Variants in EIF4G3 observed in about 807,000 individuals in gnomAD.
EIF4G3 encodes the protein eukaryotic translation initiation factor 4 gamma 3.
Under a neutral mutation model 186.4 loss-of-function variants are expected in EIF4G3, and 34 were observed. The observed-to-expected ratio is 0.18, with a 90% CI of 0.14 to 0.24. The LOEUF (loss-of-function observed/expected upper bound fraction) is 0.24. Among genes scored for constraint, EIF4G3 ranks in the 10% least tolerant of loss-of-function variants. The pLI is 1.00. For synonymous variants in EIF4G3, 673 were observed against 679.5 expected, an observed-to-expected ratio of 0.99 and a Z score of 0.15; for missense variants, 1,536 against 1,948.5, an observed-to-expected ratio of 0.79 and a Z score of 3.99.
At position 20,820,997 on chromosome 1, in the gene EIF4G3, A is replaced by G. The variant is rs1043599599; in HGVS notation, c.4369-3459T>C. ...CTCTGAGCTGTTCTAACACTAAATA[A>G]AACTCTTCTTCACCCTTCATTTGTT... On this transcript the variant is annotated intron_variant, in intron 33 of 36. Transcript: ENST00000602326. Among the ~76,000 whole-genome samples the G allele has an allele frequency of 2.6e-5, 4 of 151,998 alleles. No homozygotes were observed. The East Asian group carries it at 7.7e-4, about 29-fold the overall frequency.
chr1:20,986,768 A>G (rs1042919536), intron 7 of EIF4G3, among the ~76,000 whole-genome samples: 37 of 139,898 alleles, frequency 2.6e-4, no homozygotes, highest in Non-Finnish European at 4.8e-4. Context: ...AAAAAAAAAA[A>G]AAAGAAAACT....
At chr1:21,131,392 C>A (rs2097151582) in intron 2 of EIF4G3, among the ~76,000 whole-genome samples, 2 of 126,522 alleles carry the variant, frequency 1.6e-5, no homozygotes, top group Non-Finnish European at 1.7e-5. Context: ...ACTGGATTCA[C>A]AGAAGAAAAA....
intron 4 of EIF4G3, among the ~76,000 whole-genome samples, chr1:21,036,765 T>C (rs2093238231): frequency 6.6e-6 from 1 of 151,986 alleles, no homozygotes; most frequent in Admixed American, 6.6e-5. Flanking sequence ...CCTATAGTCT[T>C]AGCTACTTGA....
At chr1:20,981,350 A>G in intron 8 of EIF4G3, 123 bp from the exon 9 acceptor site, 1 of 695,740 alleles carries the variant, frequency 1.4e-6, no homozygotes, top group Non-Finnish European at 2.3e-6. Context: ...TACAATATGC[A>G]TAAAAAGAAT....
chr1:20,940,391 G>T (rs1276286077), intron 14 of EIF4G3, among the ~76,000 whole-genome samples: 3 of 152,152 alleles, frequency 2.0e-5, no homozygotes, highest in African/African-American at 7.2e-5. Flanking sequence ...ATGTTCTGCA[G>T]TTCCAAAAGG....
Position 21,023,155 on chromosome 1 carries a change from C to T in EIF4G3, c.-66-20347G>A, listed in dbSNP as rs142094468. Among the ~76,000 whole-genome samples the T allele has an allele frequency of 9.7e-3, 1,479 of 152,068 alleles. 21 individuals are homozygous for T. The highest frequency in any genetic ancestry group is 0.016 in the Non-Finnish European group (1,082 of 67,968). On this transcript the variant is annotated intron_variant, in intron 4 of 36. Transcript: ENST00000602326. ...AATCAAGTTGAAAAAGACACGATTCCTATGCACAGGGATTTACAATTTACC... is the reference window on the plus strand; with the variant it reads ...AATCAAGTTGAAAAAGACACGATTCTTATGCACAGGGATTTACAATTTACC...
At chr1:21,015,014 TG>T (rs2088490839) in intron 4 of EIF4G3, among the ~76,000 whole-genome samples, 1 of 143,094 alleles carries the variant, frequency 7.0e-6, no homozygotes, top group South Asian at 2.2e-4. Flanking sequence ...GAGACCTAAA[TG>T]AAATCAGAAA....
rs1259424206 is a variant in EIF4G3 at position 20,807,206 on chromosome 1, C to T, written c.*113G>A. The T allele has an allele frequency of 5.4e-6, 5 of 934,156 alleles. No individual in the cohort carries two copies. The highest frequency in any genetic ancestry group is 3.7e-4 in the Middle Eastern group (1 of 2,728). 57.9% of individuals were successfully genotyped at this position (934,156 alleles called of 1,614,324 possible). On this transcript the variant is annotated 3_prime_UTR_variant, in exon 37 of 37. Coordinates refer to ENST00000602326, the MANE Select transcript of EIF4G3 (RefSeq NM_001391906.1). ...CTTTCCCCTCTCCCACTCGTGCACA[C>T]GTGGGGGTTTCTGCGAGAATTGGCC... is the stretch of plus-strand genomic sequence containing the variant.
rs114944067 is a variant in EIF4G3, at chr1:21,092,632, G to A, written c.-271-3419C>T. On this transcript the variant is annotated intron_variant, in intron 2 of 36. Transcript: ENST00000602326. ...TTCATCTGGAACCAAAAAAGGGCCC[G>A]CACTGCCAATACAATCCTAAGCCAG... 4.0e-3 allele frequency among the ~76,000 whole-genome samples: 608 copies of A among 152,132 alleles called. 4 individuals are homozygous for A. The highest frequency in any genetic ancestry group is 0.013 in the African/African-American group (555 of 41,508).
intron 4 of EIF4G3, among the ~76,000 whole-genome samples, 151 bp from the exon 5 acceptor site, chr1:21,002,959 T>C (rs574223024): frequency 5.9e-5 from 9 of 151,646 alleles, no homozygotes; most frequent in Non-Finnish European, 1.3e-4. Context: ...CAATATCCAG[T>C]AACTCAAAAT....
chr1:20,831,278 A>AATTT lies in EIF4G3; in HGVS notation c.4062-2007_4062-2006insAAAT, dbSNP rs1553194519. On this transcript the variant is annotated intron_variant, in intron 30 of 36. Transcript: ENST00000602326. Reference sequence around the variant, plus strand: ...ATACATGATTAAAAGAAAAATATTAATTTTTTTTTTTTTTTTTTTGAGAAA... The same window carrying AATTT: ...ATACATGATTAAAAGAAAAATATTAAATTTTTTTTTTTTTTTTTTTTTTGAGAAA... Among the ~76,000 whole-genome samples, 25 of 143,004 alleles carry AATTT rather than the reference A, an allele frequency of 1.7e-4. 1 individual carries two copies. The highest frequency in any genetic ancestry group is 1.2e-3 in the East Asian group (6 of 4,856). 93.8% of individuals were successfully genotyped at this position (143,004 alleles called of 152,430 possible).
chr1:20,941,389 G>A (rs775149020), intron 14 of EIF4G3, 102 bp downstream of exon 14: 1 of 1,610,960 alleles, frequency 6.2e-7, no homozygotes, highest in Non-Finnish European at 8.5e-7. Context: ...GCATTCATTC[G>A]ATGTTTCTGG....
At chr1:20,814,010 G>A (rs1413865224) in intron 34 of EIF4G3, among the ~76,000 whole-genome samples, 3 of 130,274 alleles carry the variant, frequency 2.3e-5, no homozygotes, top group South Asian at 2.6e-4. Context: ...GCAGTGGTGC[G>A]ATCTCAGCTC....
chr1:20,848,050 C>G (rs907365664), intron 29 of EIF4G3: 18 of 330,040 alleles, frequency 5.5e-5, no homozygotes, highest in Non-Finnish European at 9.4e-5. Context: ...ACTGCAACCT[C>G]TGCCTCCCGG....
intron 4 of EIF4G3, among the ~76,000 whole-genome samples, chr1:21,033,907 A>C (rs2092961252): frequency 6.6e-6 from 1 of 152,204 alleles, no homozygotes; most frequent in African/African-American, 2.4e-5. Context: ...CAATACAGTG[A>C]GACCCTGCCT....
At chr1:21,071,743 T>C (rs1449433999) in intron 3 of EIF4G3, among the ~76,000 whole-genome samples, 2 of 151,098 alleles carry the variant, frequency 1.3e-5, no homozygotes, top group African/African-American at 4.9e-5. Context: ...GAGGCGGAGA[T>C]TGCAGTGAGT....
At chr1:21,103,154 G>A (rs1418791701) in intron 2 of EIF4G3, among the ~76,000 whole-genome samples, 1 of 152,142 alleles carries the variant, frequency 6.6e-6, no homozygotes, top group Non-Finnish European at 1.5e-5. Context: ...TTGATTTAAT[G>A]TACTATAATA....
chr1:20,827,571 C>T (rs372159887), intron 32 of EIF4G3, 46 bp downstream of exon 32: 1 of 1,226,330 alleles, frequency 8.2e-7, no homozygotes, highest in South Asian at 1.3e-5. Context: ...AGATCACTGC[C>T]CTTCCTAATA....
intron 2 of EIF4G3, among the ~76,000 whole-genome samples, chr1:21,155,165 A>C (rs772589309): frequency 5.6e-5 from 8 of 143,692 alleles, no homozygotes; most frequent in Admixed American, 2.9e-4. Flanking sequence ...TGGGAGGCTG[A>C]GGCAGGAGAA....
Sources: gnomAD v4.1 joint callset for allele counts (sites outside exome capture counted in the v4.1 genomes callset) on GRCh38, gnomAD v4.1.1 for gene constraint, MANE v1.5 for transcripts, NCBI Gene and HGNC (gene_info 2026-07-23, HGNC 2026-07-21) for gene names.